The following INSYN2B variants were observed in gnomAD, a reference collection of about 807,000 sequenced individuals.
INSYN2B encodes protein INSYN2B.
INSYN2B carries 16 observed loss-of-function variants against 41.2 expected under a neutral mutation model. The ratio of observed to expected loss-of-function variants is 0.39; its 90% confidence interval spans 0.26 to 0.59. INSYN2B has a LOEUF of 0.59. Ranked by LOEUF, INSYN2B falls within the 20% of genes least tolerant of loss-of-function variation. The pLI, the probability that INSYN2B is intolerant of heterozygous loss-of-function variation, is 0.57. For missense variants in INSYN2B, 608 were observed against 646.4 expected (o/e 0.94, Z 0.64); for synonymous variants, 245 against 244.4 (o/e 1.00, Z -0.02).
intron 1 of INSYN2B, among the ~76,000 whole-genome samples, chr5:169,953,346 A>AG (rs1776742587): frequency 1.3e-5 from 2 of 151,640 alleles, no homozygotes; most frequent in Non-Finnish European, 2.9e-5. Flanking sequence ...AAAAAAAAAA[A>AG]AAGAGAGAGA....
chr5:169,929,296 A>G (rs1292889034), intron 1 of INSYN2B, among the ~76,000 whole-genome samples: 1 of 152,172 alleles, frequency 6.6e-6, no homozygotes, highest in Admixed American at 6.5e-5. Flanking sequence ...TCCTTTCCCC[A>G]TTGACACCAA....
intron 1 of INSYN2B, among the ~76,000 whole-genome samples, chr5:169,907,268 G>T (rs1774335108): frequency 6.6e-6 from 1 of 152,210 alleles, no homozygotes; most frequent in African/African-American, 2.4e-5. Flanking sequence ...ATACAGCGAT[G>T]TGCCCAAGTC....
At chr5:169,897,616 C>T (rs1561805394) in intron 1 of INSYN2B, among the ~76,000 whole-genome samples, 2 of 152,198 alleles carry the variant, frequency 1.3e-5, no homozygotes, top group Admixed American at 6.5e-5. Context: ...AGAACCACAG[C>T]CCCATGGTTG....
chr5:169,878,912 A>G (rs879775555), intron 3 of INSYN2B, among the ~76,000 whole-genome samples: 6 of 152,212 alleles, frequency 3.9e-5, no homozygotes, highest in Non-Finnish European at 7.3e-5. Context: ...CCTGAGAGCC[A>G]TGGATAGAAT....
chr5:169,882,972 G>A lies in INSYN2B; in HGVS notation c.927C>T (p.His309=). 6.4e-7 allele frequency: 1 copy of A among 1,551,748 alleles called. No individual in the cohort carries two copies. Among genetic ancestry groups the A allele is most frequent in the South Asian group, 1.2e-5 (1 of 84,024 alleles). ...TGTGGGAGCCTTGTGAGGGGGAACTGTGAGTCCGTGGAGATGAAGGAACAC... is the reference window on the plus strand; with the variant it reads ...TGTGGGAGCCTTGTGAGGGGGAACTATGAGTCCGTGGAGATGAAGGAACAC... ...ETCVPSSPRT[H]SSPSQGSHSQ... Residue 309 remains histidine (H), a synonymous_variant, in exon 2 of 4, where the codon CAC becomes CAT. Transcript: ENST00000377365.
intron 3 of INSYN2B, among the ~76,000 whole-genome samples, chr5:169,866,738 T>C (rs1240598516): frequency 6.6e-6 from 1 of 152,212 alleles, no homozygotes; most frequent in African/African-American, 2.4e-5. Flanking sequence ...ATACTGACTG[T>C]CTATTTCAGG....
At chr5:169,878,380 CA>C (rs1332966331) in intron 3 of INSYN2B, among the ~76,000 whole-genome samples, 7 of 152,194 alleles carry the variant, frequency 4.6e-5, no homozygotes, top group Non-Finnish European at 8.8e-5. Context: ...TTATGTAAAA[CA>C]GGCAATATCA....
At chr5:169,907,211 C>A (rs1023270677) in intron 1 of INSYN2B, among the ~76,000 whole-genome samples, 5 of 152,168 alleles carry the variant, frequency 3.3e-5, no homozygotes, top group African/African-American at 1.2e-4. Flanking sequence ...TATTGGCAGG[C>A]AACTTGATTT....
At chr5:169,875,391 T>C (rs903743892) in intron 3 of INSYN2B, 10 of 439,416 alleles carry the variant, frequency 2.3e-5, no homozygotes, top group African/African-American at 4.1e-5. Flanking sequence ...ACATCTTCAA[T>C]GTAAACCCTC....
intron 1 of INSYN2B, among the ~76,000 whole-genome samples, chr5:169,886,102 A>G (rs931552592): frequency 6.6e-6 from 1 of 152,182 alleles, no homozygotes; most frequent in East Asian, 1.9e-4. Context: ...AGTGATCTGC[A>G]TCTCTCTTTA....
chr5:169,948,443 C>T (rs1041023827), intron 1 of INSYN2B, among the ~76,000 whole-genome samples: 1 of 152,072 alleles, frequency 6.6e-6, no homozygotes, highest in African/African-American at 2.4e-5. Flanking sequence ...TCTCTGTCCA[C>T]TCATTCATTC....
intron 1 of INSYN2B, among the ~76,000 whole-genome samples, chr5:169,944,250 T>C (rs1185914732): frequency 6.6e-6 from 1 of 152,196 alleles, no homozygotes; most frequent in Non-Finnish European, 1.5e-5. Context: ...CCTGATATTC[T>C]ATTTCCTGTG....
intron 1 of INSYN2B, among the ~76,000 whole-genome samples, chr5:169,949,391 G>T (rs1440510125): frequency 6.6e-6 from 1 of 152,140 alleles, no homozygotes; most frequent in Non-Finnish European, 1.5e-5. Context: ...ATGTTCCTGG[G>T]GCTGCCTGAA....
At chr5:169,937,075 GT>G in intron 1 of INSYN2B, among the ~76,000 whole-genome samples, 1 of 152,304 alleles carries the variant, frequency 6.6e-6, no homozygotes, top group East Asian at 1.9e-4. Context: ...AGAGTAATTG[GT>G]AGGTGACTCC....
intron 1 of INSYN2B, among the ~76,000 whole-genome samples, chr5:169,896,813 G>A (rs1280145036): frequency 1.3e-5 from 2 of 152,192 alleles, no homozygotes; most frequent in East Asian, 3.8e-4. Context: ...TAATGTAGAA[G>A]AGGATAAATG....
At position 169,883,208 on chromosome 5, in the gene INSYN2B, T is replaced by C. The variant is rs746114611; in HGVS notation, c.691A>G (p.Asn231Asp). 4.5e-6 allele frequency: 7 copies of C among 1,550,984 alleles called. No homozygotes were observed. In the Admixed American group the frequency reaches 1.4e-4, roughly 30 times the overall value. The change falls in exon 2 of 4, where the codon AAC (asparagine) becomes GAC (aspartate). Residue 231 changes from asparagine (N) to aspartate (D), a missense_variant. Asn to Asp is a conservative substitution (Grantham distance 23). Coordinates refer to ENST00000377365, the MANE Select transcript of INSYN2B (RefSeq NM_001129891.3). ...GTGTCATCCAAAGGGTGTATGGAGTTACTTACTTCAGCTGACCTGTCTGGG... is the reference window on the plus strand; with the variant it reads ...GTGTCATCCAAAGGGTGTATGGAGTCACTTACTTCAGCTGACCTGTCTGGG... Reference protein sequence around the residue: ...LSPDRSAEVSNSIHPLDDTRP... With the variant: ...LSPDRSAEVSDSIHPLDDTRP...
intron 3 of INSYN2B, among the ~76,000 whole-genome samples, chr5:169,876,768 G>T (rs1294454673): frequency 6.6e-6 from 1 of 152,188 alleles, no homozygotes; most frequent in Non-Finnish European, 1.5e-5. Flanking sequence ...CCTCACCCAG[G>T]AGTGGTGGTG....
chr5:169,931,021 T>A (rs567214237), intron 1 of INSYN2B, among the ~76,000 whole-genome samples: 1 of 152,358 alleles, frequency 6.6e-6, no homozygotes, highest in East Asian at 1.9e-4. Context: ...GGGGAGTTTC[T>A]AAGCTAGGAA....
chr5:169,928,985 T>C (rs1775613124), intron 1 of INSYN2B, among the ~76,000 whole-genome samples: 1 of 152,166 alleles, frequency 6.6e-6, no homozygotes, highest in South Asian at 2.1e-4. Flanking sequence ...GCCAAACATG[T>C]AGGATGAGGA....
Sources: gnomAD v4.1 joint callset for allele counts (sites outside exome capture counted in the v4.1 genomes callset) on GRCh38, gnomAD v4.1.1 for gene constraint, MANE v1.5 for transcripts, NCBI Gene and HGNC (gene_info 2026-07-23, HGNC 2026-07-21) for gene names.